Variants in ARHGAP6 observed in about 807,000 individuals in gnomAD.
ARHGAP6 encodes rho GTPase-activating protein 6.
A neutral mutation model predicts 55.7 loss-of-function variants in ARHGAP6; 16 were observed. That is an observed-to-expected ratio of 0.29 (90% confidence interval 0.19 to 0.44). The LOEUF (loss-of-function observed/expected upper bound fraction) is 0.44, where lower values mean the gene tolerates loss of function less well. ARHGAP6 is among the 20% of genes least tolerant of loss of function. The probability of loss-of-function intolerance (pLI) is 1.00; values close to 1 mark genes in which losing one functional copy is unlikely to be tolerated. For synonymous variants in ARHGAP6, 382 were observed against 360.9 expected (o/e 1.06, Z -0.66); for missense variants, 698 against 808.9 (o/e 0.86, Z 1.66).
chrX:11,453,255 TA>T (rs1354712611), intron 1 of ARHGAP6, among the ~76,000 whole-genome samples: 16 of 100,035 alleles, frequency 1.6e-4, no homozygotes, highest in Non-Finnish European at 3.2e-4. Context: ...ACATAATATA[TA>T]TATAGTATAT....
At chrX:11,571,657 T>C (rs745498004) in intron 1 of ARHGAP6, among the ~76,000 whole-genome samples, 120 of 107,474 alleles carry the variant, frequency 1.1e-3, no homozygotes, top group South Asian at 9.8e-3. Flanking sequence ...CAGGACAGTT[T>C]GACCCCAGAG....
rs779665222 is a variant in ARHGAP6 at position 11,664,760 on chromosome X, C to T, written c.69G>A (p.Ser23=). 4.8e-5 allele frequency: 58 copies of T among 1,200,750 alleles called. No individual in the cohort carries two copies. Among genetic ancestry groups the T allele is most frequent in the Non-Finnish European group, 4.4e-5 (39 of 891,927 alleles). ...CSSPASSSAA[S]AKGFSKRKLR... is the part of the protein sequence containing the mutation. ...GCTTCCTCTTGGAGAAGCCCTTGGC[C>T]GAGGCCGCGCTACTTGAAGCGGGCG... Residue 23 remains serine, a synonymous_variant, in exon 1 of 13, where the codon TCG becomes TCA. Transcript: ENST00000337414.
intron 1 of ARHGAP6, among the ~76,000 whole-genome samples, chrX:11,399,984 A>C (rs1469657373): frequency 1.8e-5 from 2 of 112,033 alleles, no homozygotes; most frequent in Non-Finnish European, 3.8e-5. Flanking sequence ...AAGGCCATAT[A>C]TTATATGATT....
At chrX:11,339,403 C>G (rs1346814732) in intron 1 of ARHGAP6, among the ~76,000 whole-genome samples, 1 of 110,379 alleles carries the variant, frequency 9.1e-6, no homozygotes, top group Non-Finnish European at 1.9e-5. Context: ...ATCTCCCTCT[C>G]GTGCCCTTTC....
chrX:11,624,292 A>C (rs1321255011), intron 1 of ARHGAP6, among the ~76,000 whole-genome samples: 2 of 112,787 alleles, frequency 1.8e-5, no homozygotes, highest in African/African-American at 6.4e-5. Flanking sequence ...CAACAGGGCA[A>C]ATGCTTCAGG....
chrX:11,157,550 C>A (rs1174836014), intron 9 of ARHGAP6, among the ~76,000 whole-genome samples: 1 of 112,206 alleles, frequency 8.9e-6, no homozygotes, highest in South Asian at 3.7e-4. Context: ...ATGATTGAAC[C>A]CAGCTCTGAC....
chrX:11,497,796 C>T (rs57281856), intron 1 of ARHGAP6, among the ~76,000 whole-genome samples: 9,003 of 109,693 alleles, frequency 0.082, 412 homozygotes, highest in East Asian at 0.18. Flanking sequence ...ATTTTTCTTC[C>T]TAATTGATCA....
chrX:11,187,086 A>G (rs1156460064), intron 4 of ARHGAP6, among the ~76,000 whole-genome samples: 2 of 111,528 alleles, frequency 1.8e-5, no homozygotes, highest in East Asian at 5.6e-4. Context: ...ATCCCTATCA[A>G]GTGAGAGAGC....
In ARHGAP6 at chrX:11,452,992, C is replaced by T. The variant is rs973847683; in HGVS notation, c.589-198285G>A. On this transcript the variant is annotated intron_variant, in intron 1 of 12. Coordinates refer to ENST00000337414, the MANE Select transcript of ARHGAP6 (RefSeq NM_013427.3). ...TGACTTAGAGGCATCCTTACATGGG[C>T]ATTTATTAAAAGCATTTATTAAAGG... 3.6e-5 allele frequency among the ~76,000 whole-genome samples: 4 copies of T among 110,154 alleles called. No individual in the cohort carries two copies. The East Asian group carries it at 1.1e-3, about 31-fold the overall frequency.
chrX:11,648,330 C>T (rs1056310253), intron 1 of ARHGAP6, among the ~76,000 whole-genome samples: 2 of 111,731 alleles, frequency 1.8e-5, no homozygotes, highest in African/African-American at 6.5e-5. Context: ...AAAAACATTA[C>T]CAAGATTGCC....
intron 1 of ARHGAP6, among the ~76,000 whole-genome samples, chrX:11,458,688 C>A (rs1013032896): frequency 1.7e-4 from 19 of 111,888 alleles, no homozygotes; most frequent in Non-Finnish European, 3.6e-4. Flanking sequence ...GTTCCAATTT[C>A]TTTTATTTAG....
At position 11,664,394 on chromosome X, in the gene ARHGAP6, C is replaced by A. The variant is rs1359678230; in HGVS notation, c.435G>T (p.Gly145=). 8.3e-7 allele frequency: 1 copy of A among 1,210,716 alleles called. No homozygotes were observed. The highest frequency in any genetic ancestry group is 1.1e-6 in the Non-Finnish European group (1 of 895,300). The stretch of plus-strand genomic sequence containing the variant: ...TGGAAGCGCTTCGGCTACTGGCTGG[C>A]CCGGCCAGGACAGAAGGCAGGTCCC... ...MAWDLPSVLA[G]PASSRSASSI... The change falls in exon 1 of 13, where the codon GGG becomes GGT. Residue 145 remains glycine (G), a synonymous_variant. Transcript: ENST00000337414.
chrX:11,447,042 C>G (rs2050099089), intron 1 of ARHGAP6, among the ~76,000 whole-genome samples: 1 of 112,159 alleles, frequency 8.9e-6, no homozygotes, highest in Non-Finnish European at 1.9e-5. Flanking sequence ...TTGGTCTAGT[C>G]AACATTGAAT....
chrX:11,607,602 T>C (rs1389467597), intron 1 of ARHGAP6, among the ~76,000 whole-genome samples: 1 of 112,493 alleles, frequency 8.9e-6, no homozygotes, highest in Non-Finnish European at 1.9e-5. Flanking sequence ...ACTGAGAATC[T>C]GAGGTTATGT....
chrX:11,143,562 C>A (rs927568019), intron 11 of ARHGAP6: 62 of 879,297 alleles, frequency 7.1e-5, no homozygotes, highest in Non-Finnish European at 8.2e-5. Flanking sequence ...AGGTTGTCTT[C>A]ATACATATAG....
At chrX:11,303,302 T>C (rs1330775961) in intron 1 of ARHGAP6, among the ~76,000 whole-genome samples, 1 of 112,546 alleles carries the variant, frequency 8.9e-6, no homozygotes, top group Non-Finnish European at 1.9e-5. Flanking sequence ...AGGCCGACAT[T>C]TAGATATTAA....
chrX:11,519,853 T>C (rs370582481), intron 1 of ARHGAP6, among the ~76,000 whole-genome samples: 2 of 104,353 alleles, frequency 1.9e-5, no homozygotes, highest in South Asian at 8.9e-4. Flanking sequence ...GGATTAAAGA[T>C]TTAAACGTTA....
At chrX:11,328,771 A>G (rs2048528021) in intron 1 of ARHGAP6, among the ~76,000 whole-genome samples, 1 of 112,357 alleles carries the variant, frequency 8.9e-6, no homozygotes, top group South Asian at 3.7e-4. Context: ...ACTTTTCAGT[A>G]AAACCTATTT....
chrX:11,150,004 C>A (rs1223386796), intron 10 of ARHGAP6, among the ~76,000 whole-genome samples: 2 of 111,564 alleles, frequency 1.8e-5, no homozygotes, highest in African/African-American at 6.5e-5. Context: ...ATAGAATTAA[C>A]CACAATGAAA....
Sources: gnomAD v4.1 joint callset for allele counts (sites outside exome capture counted in the v4.1 genomes callset) on GRCh38, gnomAD v4.1.1 for gene constraint, MANE v1.5 for transcripts, NCBI Gene and HGNC (gene_info 2026-07-23, HGNC 2026-07-21) for gene names.